The following LDB3 variants were observed in gnomAD, a reference collection of about 807,000 sequenced individuals.
LDB3 encodes the protein LIM domain binding 3.
A neutral mutation model predicts 69.0 loss-of-function variants in LDB3; 49 were observed. The observed-to-expected ratio is 0.71, with a 90% CI of 0.56 to 0.90. The LOEUF (loss-of-function observed/expected upper bound fraction) is 0.90. Ranked by LOEUF, LDB3 falls within the 40% of genes least tolerant of loss-of-function variation. The pLI is 0.00. For missense variants in LDB3, 928 were observed against 974.1 expected (o/e 0.95, Z 0.63); for synonymous variants, 387 against 396.2 (o/e 0.98, Z 0.28).
chr10:86,668,771 T>C lies in LDB3; in HGVS notation c.80T>C (p.Leu27Pro), dbSNP rs1057517864. The C allele has an allele frequency of 1.1e-5, 17 of 1,612,888 alleles. No individual in the cohort carries two copies. The highest frequency in any genetic ancestry group is 1.4e-5 in the Non-Finnish European group (17 of 1,179,746). Reference sequence around the variant, plus strand: ...GGGGGCAAGGACTTCAACATGCCCCTCACTATCTCCCGGGTGAGTGCACCC... The same window carrying C: ...GGGGGCAAGGACTTCAACATGCCCCCCACTATCTCCCGGGTGAGTGCACCC... ...LQGGKDFNMP[L>P]TISRITPGSK... The change falls in exon 2 of 14, where the codon CTC becomes CCC. Residue 27 changes from leucine to proline, a missense_variant. Coordinates refer to ENST00000361373, the MANE Select transcript of LDB3 (RefSeq NM_007078.3).
intron 2 of LDB3, among the ~76,000 whole-genome samples, chr10:86,671,700 T>G (rs1019268933): frequency 1.3e-5 from 2 of 152,218 alleles, no homozygotes; most frequent in African/African-American, 4.8e-5. Context: ...CACCTCTTCA[T>G]GCCTCTCATG....
At chr10:86,710,251 A>C in intron 9 of LDB3, 2 of 985,426 alleles carry the variant, frequency 2.0e-6, no homozygotes, top group Non-Finnish European at 2.4e-6. Flanking sequence ...ACAGGTGAGC[A>C]AGAAAGCGGT....
chr10:86,708,148 T>C (rs765646107), intron 8 of LDB3, among the ~76,000 whole-genome samples: 10 of 152,220 alleles, frequency 6.6e-5, no homozygotes, highest in Non-Finnish European at 1.5e-4. Context: ...CCTGGAACCC[T>C]TGGGATGCCC....
chr10:86,687,739 A>G (rs1845565136), intron 5 of LDB3, among the ~76,000 whole-genome samples: 1 of 152,190 alleles, frequency 6.6e-6, no homozygotes, highest in Non-Finnish European at 1.5e-5. Flanking sequence ...AACCATCCAC[A>G]CTACTGCTGG....
chr10:86,734,088 C>T lies in LDB3; in HGVS notation c.*1112C>T, dbSNP rs1847556328. 6.6e-6 allele frequency: 1 copy of T among 152,226 alleles called. No homozygotes were observed. Among genetic ancestry groups the T allele is most frequent in the Non-Finnish European group, 1.5e-5 (1 of 68,046 alleles). The allele number at this position is 152,226 out of a possible 1,614,324, so 9.4% of individuals were successfully genotyped here. The stretch of plus-strand genomic sequence containing the variant: ...ACACACGAGGAGGCAGGACCTCCCA[C>T]CTTCAGGTCTGCATCATCCTTTTCA... On this transcript the variant is annotated 3_prime_UTR_variant, in exon 14 of 14. Coordinates refer to ENST00000361373, the MANE Select transcript of LDB3 (RefSeq NM_007078.3).
intron 13 of LDB3, among the ~76,000 whole-genome samples, chr10:86,730,970 T>C (rs543417323): frequency 8.6e-5 from 13 of 151,846 alleles, no homozygotes; most frequent in Non-Finnish European, 1.5e-4. Flanking sequence ...CTGGCCAACA[T>C]GGTGAAACCC....
intron 7 of LDB3, chr10:86,700,154 G>C: frequency 1.3e-6 from 1 of 765,328 alleles, no homozygotes; most frequent in Non-Finnish European, 1.6e-6. Context: ...AGAGGAGCAG[G>C]GGCTGTGTCC....
At chr10:86,673,180 G>A (rs954467814) in intron 2 of LDB3, among the ~76,000 whole-genome samples, 3 of 152,194 alleles carry the variant, frequency 2.0e-5, no homozygotes, top group African/African-American at 7.2e-5. Flanking sequence ...GCATTTTATT[G>A]GCCACACCCA....
chr10:86,686,928 TG>T, intron 5 of LDB3: 2 of 785,624 alleles, frequency 2.5e-6, no homozygotes, highest in South Asian at 1.5e-5. Flanking sequence ...GTGTAGCCTA[TG>T]GGGGTTCAGG....
At chr10:86,727,995 A>C (rs1344575860) in intron 13 of LDB3, among the ~76,000 whole-genome samples, 1 of 152,070 alleles carries the variant, frequency 6.6e-6, no homozygotes, top group African/African-American at 2.4e-5. Flanking sequence ...CTCTTTGAAC[A>C]GATTCTCTAG....
chr10:86,703,717 C>T (rs1846342776), intron 7 of LDB3, among the ~76,000 whole-genome samples: 1 of 152,208 alleles, frequency 6.6e-6, no homozygotes, highest in Non-Finnish European at 1.5e-5. Flanking sequence ...GCTGAGGGCC[C>T]GCTTGCATTC....
chr10:86,677,504 T>A (rs1844862672), intron 2 of LDB3, among the ~76,000 whole-genome samples: 1 of 152,178 alleles, frequency 6.6e-6, no homozygotes, highest in South Asian at 2.1e-4. Context: ...GAATTTGGCA[T>A]CGTGCATGAT....
At chr10:86,703,397 G>T (rs1846333442) in intron 7 of LDB3, among the ~76,000 whole-genome samples, 4 of 152,210 alleles carry the variant, frequency 2.6e-5, no homozygotes, top group Admixed American at 2.6e-4. Context: ...TTCTTTCATA[G>T]GTGGGTTCGT....
chr10:86,681,723 G>T lies in LDB3; in HGVS notation c.609G>T (p.Ser203=). The T allele has an allele frequency of 6.2e-7, 1 of 1,611,658 alleles. No individual in the cohort carries two copies. The highest frequency in any genetic ancestry group is 1.1e-5 in the South Asian group (1 of 90,902). The change falls in exon 5 of 14, where the codon TCG becomes TCT. Residue 203 remains serine (S), a synonymous_variant. Coordinates refer to ENST00000361373, the MANE Select transcript of LDB3 (RefSeq NM_007078.3). ...ATAACAACCCCATTGGCCTGTACTCGGCAGAGACCCTGAGGGAGATGGCTC... is the reference window on the plus strand; with the variant it reads ...ATAACAACCCCATTGGCCTGTACTCTGCAGAGACCCTGAGGGAGATGGCTC... ...RQYNNPIGLY[S]AETLREMAQM...
chr10:86,698,985 C>T (rs138937891), intron 7 of LDB3, among the ~76,000 whole-genome samples: 62 of 152,206 alleles, frequency 4.1e-4, no homozygotes, highest in African/African-American at 1.3e-3. Context: ...TTAGCCAGGT[C>T]CCTTCTCCAC....
chr10:86,685,561 G>A (rs767622896), intron 5 of LDB3: 19 of 961,114 alleles, frequency 2.0e-5, no homozygotes, highest in Middle Eastern at 2.1e-4. Flanking sequence ...CACCCATTGC[G>A]GTTTGGGCTG....
chr10:86,707,071 G>A (rs1409778344), intron 8 of LDB3, among the ~76,000 whole-genome samples: 1 of 149,370 alleles, frequency 6.7e-6, no homozygotes, highest in Non-Finnish European at 1.5e-5. Flanking sequence ...GATAACAAAA[G>A]GGGACTGTGG....
chr10:86,693,993 C>T (rs1203966808), intron 7 of LDB3, among the ~76,000 whole-genome samples: 5 of 152,222 alleles, frequency 3.3e-5, no homozygotes, highest in Non-Finnish European at 5.9e-5. Context: ...TCCTCTGAGA[C>T]CCAGAGTCCT....
intron 13 of LDB3, among the ~76,000 whole-genome samples, chr10:86,731,225 CTTTT>C (rs200417366): frequency 1.7e-5 from 2 of 115,882 alleles, no homozygotes; most frequent in Admixed American, 8.8e-5. Context: ...CCATATCTAC[CTTTT>C]TTTTTTTTTT....
Sources: gnomAD v4.1 joint callset for allele counts (sites outside exome capture counted in the v4.1 genomes callset) on GRCh38, gnomAD v4.1.1 for gene constraint, MANE v1.5 for transcripts, NCBI Gene and HGNC (gene_info 2026-07-23, HGNC 2026-07-21) for gene names.